Variants in SPATA21 observed in about 807,000 individuals in gnomAD.
SPATA21 encodes spermatogenesis associated 21, also known as spermatogenesis-associated protein 21.
SPATA21 carries 47 observed loss-of-function variants against 54.8 expected under a neutral mutation model. The observed-to-expected ratio is 0.86, with a 90% CI of 0.68 to 1.09. SPATA21 has a LOEUF of 1.09. Ranked by LOEUF, SPATA21 falls within the 50% of genes least tolerant of loss-of-function variation. The probability of loss-of-function intolerance (pLI) is 0.00; values close to 1 mark genes in which losing one functional copy is unlikely to be tolerated. For synonymous variants in SPATA21, 245 were observed against 235.3 expected (o/e 1.04, Z -0.38); for missense variants, 599 against 596.4 (o/e 1.00, Z -0.05).
At chr1:16,415,720 T>C (rs140673580) in intron 5 of SPATA21, among the ~76,000 whole-genome samples, 10,605 of 151,976 alleles carry the variant, frequency 0.07, 419 homozygotes, top group African/African-American at 0.092. Context: ...CCACCATGCC[T>C]GGCTAATTTT....
At chr1:16,427,749 T>C (rs1366581276) in intron 3 of SPATA21, 7 of 1,116,616 alleles carry the variant, frequency 6.3e-6, no homozygotes, top group Non-Finnish European at 8.7e-6. Context: ...GACAAGGTGC[T>C]GTCGTGGGTG....
downstream of SPATA21, chr1:16,398,188 G>C: frequency 5.0e-6 from 1 of 199,918 alleles, no homozygotes; most frequent in Non-Finnish European, 9.0e-6. Context: ...ACCTCTTGCT[G>C]TGGCCGCTTA....
chr1:16,404,078 G>C (rs373599153), intron 8 of SPATA21, 39 bp from the exon 9 acceptor site: 2 of 1,527,242 alleles, frequency 1.3e-6, no homozygotes, highest in South Asian at 1.2e-5. Context: ...AGGGACCTTC[G>C]GAGCAGGTCC....
intron 1 of SPATA21, among the ~76,000 whole-genome samples, 193 bp downstream of exon 1, chr1:16,436,935 C>A (rs1445097517): frequency 6.6e-6 from 1 of 152,028 alleles, no homozygotes; most frequent in Non-Finnish European, 1.5e-5. Flanking sequence ...TGTTCTTTTT[C>A]AAAATTCTTT....
chr1:16,399,556 A>C, intron 11 of SPATA21, 35 bp from the exon 12 acceptor site: 1 of 1,599,320 alleles, frequency 6.3e-7, no homozygotes, highest in South Asian at 1.1e-5. Context: ...GGAATGCTTC[A>C]CAGCATGCCC....
chr1:16,431,461 T>A, intron 2 of SPATA21, 39 bp from the exon 3 acceptor site: 4 of 1,571,122 alleles, frequency 2.5e-6, no homozygotes, highest in Non-Finnish European at 3.5e-6. Flanking sequence ...ACCAAGCCCA[T>A]CACCTAACTG....
At chr1:16,432,369 G>A (rs931273854) in intron 2 of SPATA21, among the ~76,000 whole-genome samples, 2 of 152,066 alleles carry the variant, frequency 1.3e-5, no homozygotes, top group Non-Finnish European at 2.9e-5. Flanking sequence ...TGATCCGCCC[G>A]CCTCGGCCTC....
At chr1:16,406,002 C>G (rs2085628508) in intron 7 of SPATA21, among the ~76,000 whole-genome samples, 1 of 152,196 alleles carries the variant, frequency 6.6e-6, no homozygotes, top group Non-Finnish European at 1.5e-5. Context: ...AGTGGGTGGG[C>G]TACTGGCACT....
In SPATA21 at chr1:16,410,051, C is replaced by T. The variant is rs10907226; in HGVS notation, c.145-8G>A. ...TCCAATGTCCCTCACCTCCTGGGGA[C>T]AGGGGAGGGGATCCAGGAGGCCTCT... On this transcript the variant is annotated splice_region_variant and splice_polypyrimidine_tract_variant and intron_variant, in intron 5 of 12. Coordinates refer to ENST00000335496, the MANE Select transcript of SPATA21 (RefSeq NM_198546.1). The T allele has an allele frequency of 0.64, 986,662 of 1,536,154 alleles. 321,846 individuals are homozygous for T. Among genetic ancestry groups the T allele is most frequent in the East Asian group, 0.93 (41,105 of 44,076 alleles).
At chr1:16,397,524 G>A (rs2085332115), downstream of SPATA21, 1 of 152,364 alleles carries the variant, frequency 6.6e-6, no homozygotes, top group East Asian at 1.9e-4. This position sits in a 1 kb window ranked among gnomAD's most constrained non-coding sequence, Gnocchi z 5.4. Context: ...ACCCCAGGGG[G>A]ATGGGGGGCA....
rs751878909 is a variant in SPATA21 at position 16,405,094 on chromosome 1, G to T, written c.684C>A (p.Ser228Arg). The T allele has an allele frequency of 3.1e-6, 5 of 1,609,016 alleles. No homozygotes were observed. Among genetic ancestry groups the T allele is most frequent in the Non-Finnish European group, 4.2e-6 (5 of 1,178,138 alleles). ...LTLKQEEAFR[S>R]YFEIFNGPGE... ...CAGGACCATTGAAGATCTCAAAGTA[G>T]CTGCGGAAGGCTGTGGGGAGGGCAG... Residue 228 changes from serine (S) to arginine (R), a missense_variant, in exon 8 of 13, where the codon AGC becomes AGA. Transcript: ENST00000335496.
chr1:16,424,885 G>A (rs2086279453), intron 3 of SPATA21: 2 of 276,246 alleles, frequency 7.2e-6, no homozygotes, highest in South Asian at 3.4e-5. Context: ...TTGACATACC[G>A]TGGGGCCACT....
intron 5 of SPATA21, among the ~76,000 whole-genome samples, chr1:16,419,263 T>A (rs2086104235): frequency 6.6e-6 from 1 of 152,138 alleles, no homozygotes; most frequent in South Asian, 2.1e-4. Flanking sequence ...GGGGTGAGAC[T>A]AGGCTTAGCA....
At chr1:16,426,029 C>T (rs12022543) in intron 3 of SPATA21, among the ~76,000 whole-genome samples, 39,791 of 151,594 alleles carry the variant, frequency 0.26, 5,917 homozygotes, top group East Asian at 0.74. Flanking sequence ...ATTAGAGGTA[C>T]GTGCCATTGC....
intron 5 of SPATA21, among the ~76,000 whole-genome samples, chr1:16,413,771 C>G (rs560698391): frequency 6.6e-6 from 1 of 152,014 alleles, no homozygotes; most frequent in South Asian, 2.1e-4. Flanking sequence ...TGCCACCATG[C>G]CTGGCTAATT....
In SPATA21 at chr1:16,428,118, A is replaced by G. The variant is rs2086368054; in HGVS notation, c.34+3220T>C. 1 of 1,406,812 alleles carries G rather than the reference A, an allele frequency of 7.1e-7. No homozygotes were observed. Among genetic ancestry groups the G allele is most frequent in the African/African-American group, 1.4e-5 (1 of 70,574 alleles). 87.1% of individuals were successfully genotyped at this position (1,406,812 alleles called of 1,614,324 possible). On this transcript the variant is annotated intron_variant, in intron 3 of 12. Coordinates refer to ENST00000335496, the MANE Select transcript of SPATA21 (RefSeq NM_198546.1). The surrounding 1 kb of genome is among the most constrained non-coding windows in gnomAD (Gnocchi z 4.3). ...CCTGGGTACTCTTCTGGCCTCAAGG[A>G]CAGGGAGATCCTGTGCCTGATTGGG... is the stretch of plus-strand genomic sequence containing the variant.
At chr1:16,414,893 C>CAAAAAAAAA (rs528947922) in intron 5 of SPATA21, among the ~76,000 whole-genome samples, 1,119 of 74,214 alleles carry the variant, frequency 0.015, 134 homozygotes, top group African/African-American at 0.048. Flanking sequence ...AACCTCATCT[C>CAAAAAAAAA]AAAAAAAAAA....
chr1:16,424,424 T>G (rs927356563), intron 3 of SPATA21, among the ~76,000 whole-genome samples: 3 of 151,512 alleles, frequency 2.0e-5, no homozygotes, highest in African/African-American at 4.9e-5. Flanking sequence ...TATTTTTTTA[T>G]TTTTATTTTT....
intron 2 of SPATA21, among the ~76,000 whole-genome samples, chr1:16,432,060 C>T (rs1470158278): frequency 6.6e-6 from 1 of 152,036 alleles, no homozygotes; most frequent in Non-Finnish European, 1.5e-5. Flanking sequence ...AGCACCCACA[C>T]CCTGCCCTGG....
Sources: gnomAD v4.1 joint callset for allele counts (sites outside exome capture counted in the v4.1 genomes callset) on GRCh38, gnomAD v4.1.1 for gene constraint, Gnocchi (gnomAD v3.1) non-coding constraint, MANE v1.5 for transcripts, NCBI Gene and HGNC (gene_info 2026-07-23, HGNC 2026-07-21) for gene names.